The following DACH2 variants were observed in gnomAD, a reference collection of about 807,000 sequenced individuals.
DACH2 encodes dachshund homolog 2.
In DACH2, 17 loss-of-function variants were observed where a neutral mutation model predicts 35.8. The ratio of observed to expected loss-of-function variants is 0.48; its 90% CI spans 0.33 to 0.71. The LOEUF (loss-of-function observed/expected upper bound fraction) is 0.71. DACH2 is among the 30% of genes least tolerant of loss of function. The pLI, the probability that DACH2 is intolerant of heterozygous loss-of-function variation, is 0.02. For synonymous variants in DACH2, 195 were observed against 177.3 expected (o/e 1.10, Z -0.79); for missense variants, 469 against 472.7 (o/e 0.99, Z 0.07).
At chrX:86,339,937 A>G (rs1357425475) in intron 1 of DACH2, among the ~76,000 whole-genome samples, 1 of 112,204 alleles carries the variant, frequency 8.9e-6, no homozygotes, top group Non-Finnish European at 1.9e-5. Context: ...TCTTTATGTT[A>G]GACCAAGAAC....
chrX:86,668,572 G>A (rs2040727024), intron 4 of DACH2, among the ~76,000 whole-genome samples: 1 of 111,500 alleles, frequency 9.0e-6, no homozygotes, highest in Non-Finnish European at 1.9e-5. Flanking sequence ...ATTAGATGTG[G>A]GAATTGGTCT....
chrX:86,440,121 G>A (rs1335833686), intron 2 of DACH2, among the ~76,000 whole-genome samples: 1 of 111,502 alleles, frequency 9.0e-6, no homozygotes, highest in Non-Finnish European at 1.9e-5. Flanking sequence ...ATCTACAGAG[G>A]TAGATTATAT....
At chrX:86,442,416 T>C (rs1308428122) in intron 2 of DACH2, among the ~76,000 whole-genome samples, 1 of 105,268 alleles carries the variant, frequency 9.5e-6, no homozygotes, top group African/African-American at 3.5e-5. Flanking sequence ...TGCTATTGTC[T>C]TTTTTGAGTT....
At chrX:86,160,248 C>A (rs1430257118) in intron 1 of DACH2, 5 of 1,195,862 alleles carry the variant, frequency 4.2e-6, no homozygotes, top group Admixed American at 2.2e-5. Context: ...GCCTTCTGAG[C>A]TTTCTGGGCA....
intron 1 of DACH2, among the ~76,000 whole-genome samples, chrX:86,269,943 T>G (rs2033782125): frequency 9.4e-6 from 1 of 106,728 alleles, no homozygotes; most frequent in South Asian, 4.1e-4. Context: ...GAAAAGTGAA[T>G]ATAAAACAAT....
intron 4 of DACH2, among the ~76,000 whole-genome samples, chrX:86,692,398 G>A (rs1271926501): frequency 9.1e-6 from 1 of 109,693 alleles, no homozygotes; most frequent in East Asian, 2.9e-4. Context: ...CATTAACATA[G>A]TAGTTAACAA....
intron 3 of DACH2, among the ~76,000 whole-genome samples, chrX:86,520,006 T>A (rs1382893034): frequency 9.0e-6 from 1 of 111,393 alleles, no homozygotes; most frequent in African/African-American, 3.3e-5. Flanking sequence ...AGGTCGTTAA[T>A]TTGAGATCTT....
intron 7 of DACH2, among the ~76,000 whole-genome samples, chrX:86,807,663 G>T (rs1213313773): frequency 8.9e-6 from 1 of 111,818 alleles, no homozygotes; most frequent in East Asian, 2.8e-4. Flanking sequence ...TGTGAAATGG[G>T]GTCTGAGATG....
intron 2 of DACH2, among the ~76,000 whole-genome samples, chrX:86,489,916 TTAAAA>T (rs1299400465): frequency 2.7e-5 from 3 of 112,148 alleles, no homozygotes; most frequent in South Asian, 3.6e-4. Flanking sequence ...ACATGAGGAC[TTAAAA>T]TAAATAGACT....
chrX:86,766,056 C>T (rs1267436358), intron 7 of DACH2, among the ~76,000 whole-genome samples: 1 of 109,964 alleles, frequency 9.1e-6, no homozygotes, highest in Admixed American at 9.8e-5. Flanking sequence ...TATTTTCTGA[C>T]TATTCTTTTT....
chrX:86,733,745 C>T (rs933050571), intron 6 of DACH2, among the ~76,000 whole-genome samples: 2 of 111,236 alleles, frequency 1.8e-5, no homozygotes, highest in Non-Finnish European at 3.8e-5. Flanking sequence ...ATCTGATTAG[C>T]TCTGTTTCTT....
Position 86,675,392 on chromosome X carries a change from T to G in DACH2, c.773-19629T>G, listed in dbSNP as rs149846311. On this transcript the variant is annotated intron_variant, in intron 4 of 11. Coordinates refer to ENST00000373125, the MANE Select transcript of DACH2 (RefSeq NM_053281.3). Reference sequence around the variant, plus strand: ...ATTTATTTATAATTGCAACATAAAATTTGATATTAAGGCTAGGTGCAGTGG... The same window carrying G: ...ATTTATTTATAATTGCAACATAAAAGTTGATATTAAGGCTAGGTGCAGTGG... Among the ~76,000 whole-genome samples the G allele has an allele frequency of 2.7e-3, 302 of 111,942 alleles. 2 individuals are homozygous for G. The highest frequency in any genetic ancestry group is 9.4e-3 in the African/African-American group (291 of 30,820).
At chrX:86,583,644 T>C (rs950978841) in intron 3 of DACH2, among the ~76,000 whole-genome samples, 2 of 110,178 alleles carry the variant, frequency 1.8e-5, no homozygotes, top group African/African-American at 3.3e-5. Flanking sequence ...GTCAAATGTT[T>C]TTTTTCATCA....
At chrX:86,584,452 A>G (rs58572763) in intron 3 of DACH2, among the ~76,000 whole-genome samples, 5,871 of 110,241 alleles carry the variant, frequency 0.053, 182 homozygotes, top group East Asian at 0.25. Context: ...TTGTTTTTAT[A>G]TGTTCTGCTT....
chrX:86,563,499 G>A (rs1391546710), intron 3 of DACH2, among the ~76,000 whole-genome samples: 2 of 110,826 alleles, frequency 1.8e-5, no homozygotes, highest in African/African-American at 6.5e-5. Flanking sequence ...ATTTGAAAAT[G>A]TAATATTAAT....
intron 2 of DACH2, among the ~76,000 whole-genome samples, chrX:86,483,934 C>A (rs2037981716): frequency 9.0e-6 from 1 of 111,596 alleles, no homozygotes; most frequent in South Asian, 3.7e-4. Context: ...GACATTTTCA[C>A]CACTCTTTCT....
intron 3 of DACH2, among the ~76,000 whole-genome samples, chrX:86,606,047 T>A (rs1298904967): frequency 1.8e-5 from 2 of 111,432 alleles, no homozygotes; most frequent in African/African-American, 6.5e-5. Context: ...AATCTGGTTC[T>A]ATTGTTTTGT....
intron 1 of DACH2, among the ~76,000 whole-genome samples, chrX:86,244,666 T>G (rs929844539): frequency 1.8e-5 from 2 of 111,982 alleles, no homozygotes; most frequent in Non-Finnish European, 3.8e-5. Context: ...CTGTGTGACA[T>G]GCAACTCACT....
chrX:86,672,456 G>C (rs1423790122), intron 4 of DACH2, among the ~76,000 whole-genome samples: 1 of 111,222 alleles, frequency 9.0e-6, no homozygotes, highest in Non-Finnish European at 1.9e-5. Context: ...TGATATTGTA[G>C]GCTGGACCCA....
Sources: allele counts gnomAD v4.1 joint callset (sites outside exome capture counted in the v4.1 genomes callset), GRCh38; gene constraint gnomAD v4.1.1; transcripts MANE v1.5; gene names NCBI Gene and HGNC (gene_info 2026-07-23, HGNC 2026-07-21).